Variants in CBR4 observed in about 807,000 individuals in gnomAD.
CBR4 encodes the protein carbonyl reductase 4, also known as 3-oxoacyl-[acyl-carrier-protein] reductase.
A neutral mutation model predicts 21.0 loss-of-function variants in CBR4; 22 were observed. That is an observed-to-expected ratio of 1.05 (90% confidence interval 0.75 to 1.50). CBR4 has a LOEUF of 1.50. CBR4 is among the 40% of genes most tolerant of loss of function. The pLI is 0.00. For synonymous variants in CBR4, 100 were observed against 104.4 expected (o/e 0.96, Z 0.26); for missense variants, 302 against 286.3 (o/e 1.05, Z -0.40).
rs987219805 is a variant in CBR4 at position 169,009,869 on chromosome 4, C to T, written c.142+79G>A. On this transcript the variant is annotated intron_variant, in intron 1 of 4. Coordinates refer to ENST00000306193, the MANE Select transcript of CBR4 (RefSeq NM_032783.5). ...ACCCTAGAGCCCTAAAGGCCAGACCCGCTCTTTTTACAAAGGAGATTTTCT... is the reference window on the plus strand; with the variant it reads ...ACCCTAGAGCCCTAAAGGCCAGACCTGCTCTTTTTACAAAGGAGATTTTCT... The T allele has an allele frequency of 3.6e-6, 5 of 1,378,028 alleles. No homozygotes were observed. The Middle Eastern group carries it at 7.7e-4, about 212-fold the overall frequency. 85.4% of individuals were successfully genotyped at this position (1,378,028 alleles called of 1,614,324 possible). A position where few individuals can be genotyped will look rare whatever the true frequency, so the allele number is the denominator to read the frequency against.
At chr4:168,906,719 G>C (rs975927841) in intron 2 of CBR4, among the ~76,000 whole-genome samples, 16 of 152,048 alleles carry the variant, frequency 1.1e-4, no homozygotes, top group Admixed American at 9.2e-4. Flanking sequence ...AGAACTCTTG[G>C]GCTCAAGCAG....
chr4:168,902,936 T>C (rs1269386285), intron 2 of CBR4, among the ~76,000 whole-genome samples: 2 of 152,046 alleles, frequency 1.3e-5, no homozygotes, highest in Admixed American at 6.6e-5. Flanking sequence ...CACACCCAGA[T>C]AATTTTTTTA....
downstream of CBR4, among the ~76,000 whole-genome samples, chr4:168,984,974 A>C (rs1312320864): frequency 6.6e-6 from 1 of 152,128 alleles, no homozygotes; most frequent in Non-Finnish European, 1.5e-5. Context: ...AGAAAACCTA[A>C]GAAATACCAT....
intron 4 of CBR4, among the ~76,000 whole-genome samples, chr4:168,994,745 ATTTTTTTTTTTTT>A (rs5863973): frequency 4.1e-5 from 2 of 48,784 alleles, no homozygotes; most frequent in Non-Finnish European, 7.6e-5. Flanking sequence ...CGCCTGGCTA[ATTTTTTTTTTTTT>A]TTTTTTTTTT....
chr4:168,977,850 T>C (rs1042154910), intron 2 of CBR4, among the ~76,000 whole-genome samples: 3 of 152,218 alleles, frequency 2.0e-5, no homozygotes, highest in African/African-American at 7.2e-5. Context: ...TATTGTTGAT[T>C]TCCTAAATCT....
chr4:168,931,465 C>G (rs1314153937), intron 2 of CBR4, among the ~76,000 whole-genome samples: 4 of 152,086 alleles, frequency 2.6e-5, no homozygotes, highest in Non-Finnish European at 5.9e-5. Context: ...AGACACACCC[C>G]TGGGCCAGGT....
At chr4:168,898,575 G>A in intron 2 of CBR4, 1 of 1,613,788 alleles carries the variant, frequency 6.2e-7, no homozygotes, top group Non-Finnish European at 8.5e-7. Context: ...GATGAATCAG[G>A]TGATGAAGTT....
At chr4:168,966,420 G>A (rs111648489) in intron 2 of CBR4, among the ~76,000 whole-genome samples, 19 of 151,170 alleles carry the variant, frequency 1.3e-4, no homozygotes, top group East Asian at 2.0e-4. Context: ...CCAGCTACTC[G>A]GGAGGCTGAG....
At chr4:168,969,437 T>G (rs1265605324) in intron 2 of CBR4, among the ~76,000 whole-genome samples, 1 of 152,180 alleles carries the variant, frequency 6.6e-6, no homozygotes, top group East Asian at 1.9e-4. Context: ...TAACTAAGGT[T>G]ATACACTTCA....
chr4:168,962,865 GGAGT>G (rs1370050801), intron 2 of CBR4, among the ~76,000 whole-genome samples: 2 of 152,058 alleles, frequency 1.3e-5, no homozygotes, highest in Non-Finnish European at 2.9e-5. Flanking sequence ...AAGAAAATCA[GGAGT>G]GAGATGTCAT....
chr4:168,999,839 A>G (rs931336068), intron 4 of CBR4, among the ~76,000 whole-genome samples: 1 of 152,172 alleles, frequency 6.6e-6, no homozygotes, highest in African/African-American at 2.4e-5. Flanking sequence ...ATAGCACCAT[A>G]TATGTACCTC....
At position 169,002,124 on chromosome 4, in the gene CBR4, G is replaced by A; in HGVS notation, c.482C>T (p.Ala161Val). 3 of 1,590,952 alleles carry A rather than the reference G, an allele frequency of 1.9e-6. No homozygotes were observed. Among genetic ancestry groups the A allele is most frequent in the Non-Finnish European group, 1.7e-6 (2 of 1,171,576 alleles). Residue 161 changes from alanine to valine, a missense_variant, in exon 4 of 5, where the codon GCT becomes GTT. Transcript: ENST00000306193. ...CTTTCTTGCTACCTCTTTAGCAAGAGCACGTGAAAATCCAACTAATCCTCC... is the reference window on the plus strand; with the variant it reads ...CTTTCTTGCTACCTCTTTAGCAAGAACACGTGAAAATCCAACTAATCCTCC... ...SKGGLVGFSR[A>V]LAKEVARKKI...
chr4:168,952,459 C>CTAGTGTGATTTTGGGGGGG (rs1342242889), intron 2 of CBR4, among the ~76,000 whole-genome samples: 1 of 152,036 alleles, frequency 6.6e-6, no homozygotes, highest in African/African-American at 2.4e-5. Context: ...TGCTGCTGAC[C>CTAGTGTGATTTTGGGGGGG]TAGTGTGATT....
At position 168,990,236 on chromosome 4, in the gene CBR4, C is replaced by CCA; in HGVS notation, c.626_627dup (p.Ala210TrpfsTer9). 6.2e-7 allele frequency: 1 copy of CCA among 1,613,616 alleles called. No homozygotes were observed. Among genetic ancestry groups the CCA allele is most frequent in the Non-Finnish European group, 8.5e-7 (1 of 1,179,706 alleles). The stretch of plus-strand genomic sequence containing the variant: ...TCTAAAAGAAACACAACCGCATGTG[C>CCA]CACCTCAATAGTTTCTCCAAACCTC... On this transcript the variant is annotated frameshift_variant, in exon 5 of 5. Coordinates refer to ENST00000306193, the MANE Select transcript of CBR4 (RefSeq NM_032783.5). LOFTEE classifies it high-confidence loss of function.
At chr4:168,991,147 A>C (rs1409119756) in intron 4 of CBR4, among the ~76,000 whole-genome samples, 1 of 152,212 alleles carries the variant, frequency 6.6e-6, no homozygotes, top group Non-Finnish European at 1.5e-5. Flanking sequence ...TATTTATTGG[A>C]CACTAAAATA....
At position 169,000,836 on chromosome 4, in the gene CBR4, C is replaced by T. The variant is rs563376766; in HGVS notation, c.535+1235G>A. On this transcript the variant is annotated intron_variant, in intron 4 of 4. Coordinates refer to ENST00000306193, the MANE Select transcript of CBR4 (RefSeq NM_032783.5). ...ATCCAGGCAATTTTATCAACTAGTA[C>T]CCTGGCGAAAGGCAAATAATGGAAA... 5.3e-5 allele frequency among the ~76,000 whole-genome samples: 8 copies of T among 152,056 alleles called. No individual in the cohort carries two copies. In the South Asian group the frequency reaches 1.7e-3, roughly 32 times the overall value.
At chr4:168,906,061 G>A (rs995858095) in intron 2 of CBR4, among the ~76,000 whole-genome samples, 5 of 151,910 alleles carry the variant, frequency 3.3e-5, no homozygotes, top group Non-Finnish European at 7.4e-5. Context: ...TTTTAGTTTA[G>A]TTTTCTGCCT....
downstream of CBR4, among the ~76,000 whole-genome samples, chr4:168,986,539 C>T (rs1462134580): frequency 3.9e-5 from 6 of 152,142 alleles, no homozygotes; most frequent in South Asian, 2.1e-4. Context: ...ACTTCGAGTT[C>T]GGTTTTTTGT....
At chr4:169,005,135 G>A (rs1178706833) in intron 3 of CBR4, 1 of 152,126 alleles carries the variant, frequency 6.6e-6, no homozygotes, top group Non-Finnish European at 1.5e-5. Flanking sequence ...AGTACACAGA[G>A]AGAACAGACA....
Sources: gnomAD v4.1 joint callset for allele counts (sites outside exome capture counted in the v4.1 genomes callset) on GRCh38, gnomAD v4.1.1 for gene constraint, MANE v1.5 for transcripts, NCBI Gene and HGNC (gene_info 2026-07-23, HGNC 2026-07-21) for gene names.